PCSK5: variants seen among roughly 807,000 people sequenced by gnomAD.
The protein encoded by PCSK5 is prohormone convertase 5.
Under a neutral mutation model 233.2 loss-of-function variants are expected in PCSK5, and 129 were observed. The observed-to-expected ratio is 0.55, with a 90% CI of 0.48 to 0.64. PCSK5 has a LOEUF of 0.64. Among genes scored for constraint, PCSK5 ranks in the 30% least tolerant of loss-of-function variants. PCSK5 has a pLI of 0.00. For synonymous variants in PCSK5, 825 were observed against 879.2 expected, an observed-to-expected ratio of 0.94 and a Z score of 1.09; for missense variants, 2,076 against 2,430.1, an observed-to-expected ratio of 0.85 and a Z score of 3.06.
intron 24 of PCSK5, among the ~76,000 whole-genome samples, chr9:76,261,582 T>C (rs1361549898): frequency 6.6e-6 from 1 of 152,142 alleles, no homozygotes; most frequent in African/African-American, 2.4e-5. Flanking sequence ...AGATAAAAAA[T>C]CTCTATGAGA....
Position 75,928,539 on chromosome 9 carries a change from G to A in PCSK5, c.193-3840G>A, listed in dbSNP as rs535889033. ...AGAATATAAAAGATAATTCTCTTCA[G>A]TAAGGGACATGCATATTAATAGATG... is the stretch of plus-strand genomic sequence containing the variant. On this transcript the variant is annotated intron_variant, in intron 1 of 37. Coordinates refer to ENST00000674117, the MANE Select transcript of PCSK5 (RefSeq NM_001372043.1). 1.5e-3 allele frequency among the ~76,000 whole-genome samples: 208 copies of A among 143,424 alleles called. 1 individual carries two copies. The highest frequency in any genetic ancestry group is 4.4e-3 in the African/African-American group (169 of 38,394). The allele number at this position is 143,424 out of a possible 152,430, so 94.1% of individuals were successfully genotyped here. A position where few individuals can be genotyped will look rare whatever the true frequency, so the allele number is the denominator to read the frequency against.
At chr9:76,097,389 A>G (rs1249296156) in intron 8 of PCSK5, among the ~76,000 whole-genome samples, 1 of 142,600 alleles carries the variant, frequency 7.0e-6, no homozygotes, top group Non-Finnish European at 1.5e-5. Flanking sequence ...CCTCCCGAGT[A>G]GCTGGGACTA....
intron 3 of PCSK5, 133 bp downstream of exon 3, chr9:75,986,378 G>A: frequency 1.6e-6 from 1 of 606,152 alleles, no homozygotes; most frequent in Non-Finnish European, 3.0e-6. Context: ...CCCACCATTT[G>A]AGATTGGTTA....
intron 1 of PCSK5, among the ~76,000 whole-genome samples, chr9:75,914,410 A>G (rs1216902022): frequency 6.6e-6 from 1 of 152,152 alleles, no homozygotes; most frequent in East Asian, 1.9e-4. Flanking sequence ...AAGAAATGCT[A>G]CTTCCAACAG....
At chr9:76,218,593 A>G (rs1168175247) in intron 20 of PCSK5, among the ~76,000 whole-genome samples, 1 of 149,362 alleles carries the variant, frequency 6.7e-6, no homozygotes, top group Non-Finnish European at 1.5e-5. Context: ...CAGAATCATA[A>G]CTAACCTCTG....
intron 27 of PCSK5, 77 bp from the exon 28 acceptor site, chr9:76,302,060 G>A: frequency 1.7e-6 from 1 of 601,206 alleles, no homozygotes; most frequent in Non-Finnish European, 2.6e-6. Flanking sequence ...TGGGTGGTGG[G>A]TTTATAGGTG....
At chr9:75,953,419 G>A (rs186097138) in intron 2 of PCSK5, among the ~76,000 whole-genome samples, 206 of 152,284 alleles carry the variant, frequency 1.4e-3, no homozygotes, top group Middle Eastern at 6.8e-3. Context: ...TTGCTTAACA[G>A]TAAGTCAGGT....
chr9:76,236,211 C>T (rs368212667), intron 22 of PCSK5, among the ~76,000 whole-genome samples: 12 of 152,256 alleles, frequency 7.9e-5, no homozygotes, highest in African/African-American at 2.9e-4. Context: ...TTTCAGAATC[C>T]CTGCACCTTT....
chr9:76,239,204 T>C, intron 23 of PCSK5, 39 bp downstream of exon 23: 1 of 1,495,286 alleles, frequency 6.7e-7, no homozygotes, highest in Non-Finnish European at 9.1e-7. Flanking sequence ...CACCCGAACA[T>C]GGGAGGAGGG....
intron 24 of PCSK5, among the ~76,000 whole-genome samples, chr9:76,288,946 C>G (rs1828174205): frequency 6.6e-6 from 1 of 152,060 alleles, no homozygotes; most frequent in South Asian, 2.1e-4. Context: ...TTACTGAGAA[C>G]AAAATAAAAT....
chr9:75,990,491 C>T (rs547644974), intron 3 of PCSK5, among the ~76,000 whole-genome samples: 13 of 152,288 alleles, frequency 8.5e-5, no homozygotes, highest in African/African-American at 3.1e-4. Flanking sequence ...TGTGTCCTGA[C>T]ATACTGTGTT....
At chr9:76,233,109 A>G (rs903546) in intron 21 of PCSK5, among the ~76,000 whole-genome samples, 148,618 of 152,288 alleles carry the variant, frequency 0.98, 72,546 homozygotes, top group East Asian at 1. Context: ...GAGGCCCACT[A>G]AGTGTGTGGA....
intron 15 of PCSK5, among the ~76,000 whole-genome samples, chr9:76,180,706 G>A (rs959517222): frequency 1.3e-5 from 2 of 152,092 alleles, no homozygotes; most frequent in Non-Finnish European, 2.9e-5. Context: ...AGACCCAGAC[G>A]TGTTAAGAAT....
At chr9:75,990,045 A>T (rs1826699455) in intron 3 of PCSK5, among the ~76,000 whole-genome samples, 1 of 152,200 alleles carries the variant, frequency 6.6e-6, no homozygotes, top group Non-Finnish European at 1.5e-5. Context: ...TGCAATACAT[A>T]GTAGTTCCTT....
At chr9:76,114,062 A>G (rs747040761) in intron 9 of PCSK5, among the ~76,000 whole-genome samples, 5 of 151,790 alleles carry the variant, frequency 3.3e-5, no homozygotes, top group African/African-American at 4.8e-5. Context: ...CCTTTCATAT[A>G]CTCTTAGAGT....
Position 76,191,964 on chromosome 9 carries a change from A to C in PCSK5, c.2626+2218A>C, listed in dbSNP as rs1824404183. 3.3e-5 allele frequency among the ~76,000 whole-genome samples: 5 copies of C among 150,536 alleles called. No homozygotes were observed. The South Asian group carries it at 1.1e-3, about 32-fold the overall frequency. ...CATGGTAGCACGTACCTGTAATCCCAGCTACTTGGGTAGCTGAAGCATGAG... is the reference window on the plus strand; with the variant it reads ...CATGGTAGCACGTACCTGTAATCCCCGCTACTTGGGTAGCTGAAGCATGAG... On this transcript the variant is annotated intron_variant, in intron 20 of 37. Coordinates refer to ENST00000674117, the MANE Select transcript of PCSK5 (RefSeq NM_001372043.1).
chr9:75,973,042 G>A lies in PCSK5; in HGVS notation c.298-13090G>A, dbSNP rs200099183. Reference sequence around the variant, plus strand: ...AGGTCCCTTACAATCATGTGACTGGGTTAAGTCACTTAACCCCACTATGCC... The same window carrying A: ...AGGTCCCTTACAATCATGTGACTGGATTAAGTCACTTAACCCCACTATGCC... On this transcript the variant is annotated intron_variant, in intron 2 of 37. Transcript: ENST00000674117. Among the ~76,000 whole-genome samples the A allele has an allele frequency of 4.6e-5, 7 of 151,904 alleles. 1 individual carries two copies. In the East Asian group the frequency reaches 1.4e-3, roughly 29 times the overall value.
At chr9:76,187,115 A>G (rs532876038) in intron 17 of PCSK5, among the ~76,000 whole-genome samples, 32 of 152,270 alleles carry the variant, frequency 2.1e-4, no homozygotes, top group African/African-American at 7.2e-4. Flanking sequence ...TTGTTTTTGT[A>G]CTTTCCAAAT....
intron 2 of PCSK5, among the ~76,000 whole-genome samples, chr9:75,965,663 A>G (rs948119206): frequency 6.6e-6 from 1 of 152,170 alleles, no homozygotes. Context: ...TCACAGTTAT[A>G]CCCAAAGAGA....
Sources: allele counts gnomAD v4.1 joint callset (sites outside exome capture counted in the v4.1 genomes callset), GRCh38; gene constraint gnomAD v4.1.1; transcripts MANE v1.5; gene names NCBI Gene and HGNC (gene_info 2026-07-23, HGNC 2026-07-21).